Variants in APBA2 observed in about 807,000 individuals in gnomAD.
The protein encoded by APBA2 is amyloid-beta A4 precursor protein-binding family A member 2.
APBA2 carries 30 observed loss-of-function variants against 75.0 expected under a neutral mutation model. The ratio of observed to expected loss-of-function variants is 0.40; its 90% CI spans 0.30 to 0.54. The LOEUF (loss-of-function observed/expected upper bound fraction) is 0.54, where lower values mean the gene tolerates loss of function less well. APBA2 is among the 20% of genes least tolerant of loss of function. The pLI, the probability that APBA2 is intolerant of heterozygous loss-of-function variation, is 0.49. For missense variants in APBA2, 801 were observed against 1,016.1 expected, an observed-to-expected ratio of 0.79 and a Z score of 2.88; for synonymous variants, 444 against 409.6, an observed-to-expected ratio of 1.08 and a Z score of -1.01.
chr15:29,083,415 C>G (rs1310063305), intron 6 of APBA2, among the ~76,000 whole-genome samples: 2 of 152,158 alleles, frequency 1.3e-5, no homozygotes, highest in Non-Finnish European at 2.9e-5. Context: ...GGGCTACTTT[C>G]AGACCTTGCC....
At chr15:28,909,334 T>C (rs1224647005) in intron 1 of APBA2, among the ~76,000 whole-genome samples, 2 of 152,142 alleles carry the variant, frequency 1.3e-5, no homozygotes, top group Non-Finnish European at 2.9e-5. Flanking sequence ...CGATTCCAGG[T>C]GCCGCATGTG....
Position 29,118,072 on chromosome 15 carries a change from T to TGTA in APBA2, c.*941_*943dup, listed in dbSNP as rs1412658326. 6.6e-6 allele frequency: 1 copy of TGTA among 152,600 alleles called. No homozygotes were observed. The highest frequency in any genetic ancestry group is 1.5e-5 in the Non-Finnish European group (1 of 68,062). 9.5% of individuals were successfully genotyped at this position (152,600 alleles called of 1,614,324 possible). On this transcript the variant is annotated 3_prime_UTR_variant, in exon 15 of 15. Coordinates refer to ENST00000683413, the MANE Select transcript of APBA2 (RefSeq NM_001353788.2). ...TGGCCCTGAGCAGTAGTGGCATGTG[T>TGTA]GTAGATCAAGTCGGATCTAGTCCAG...
chr15:28,940,552 C>CAA (rs368324458), intron 2 of APBA2, among the ~76,000 whole-genome samples: 11,935 of 114,260 alleles, frequency 0.1, 1,021 homozygotes, highest in East Asian at 0.36. Context: ...GACTCTGTAT[C>CAA]AAAAAAAAAG....
chr15:28,933,764 C>T (rs2034692086), intron 2 of APBA2, among the ~76,000 whole-genome samples: 1 of 152,246 alleles, frequency 6.6e-6, no homozygotes, highest in African/African-American at 2.4e-5. Flanking sequence ...CCTCTATCCC[C>T]TCTGCCTTGT....
chr15:28,971,877 G>A (rs758647716), intron 2 of APBA2, among the ~76,000 whole-genome samples: 6 of 152,052 alleles, frequency 3.9e-5, no homozygotes, highest in South Asian at 2.1e-4. Context: ...CACACCTAGC[G>A]TCCATACAAT....
chr15:29,058,757 T>G (rs976859440), intron 4 of APBA2, among the ~76,000 whole-genome samples: 9 of 152,254 alleles, frequency 5.9e-5, no homozygotes, highest in Non-Finnish European at 1.3e-4. Flanking sequence ...AGATCTACAC[T>G]TGAATTATTT....
At chr15:29,100,968 C>T (rs972178452) in intron 9 of APBA2, among the ~76,000 whole-genome samples, 4 of 152,344 alleles carry the variant, frequency 2.6e-5, no homozygotes, top group East Asian at 1.9e-4. Flanking sequence ...TACCCTAAAA[C>T]GCTCTGTTAA....
intron 9 of APBA2, among the ~76,000 whole-genome samples, chr15:29,100,372 CT>C (rs1392629831): frequency 6.6e-6 from 1 of 152,228 alleles, no homozygotes; most frequent in Non-Finnish European, 1.5e-5. Context: ...GCAGCATGCA[CT>C]GCAAAGTGGA....
At chr15:29,003,744 A>G (rs2038970410) in intron 3 of APBA2, among the ~76,000 whole-genome samples, 1 of 152,266 alleles carries the variant, frequency 6.6e-6, no homozygotes, top group Non-Finnish European at 1.5e-5. Context: ...ACTCCCAGGC[A>G]TGGCTGCAGC....
At chr15:29,100,789 A>ACTGGTGGC (rs1334734686) in intron 9 of APBA2, among the ~76,000 whole-genome samples, 3 of 152,212 alleles carry the variant, frequency 2.0e-5, no homozygotes, top group Non-Finnish European at 1.5e-5. Context: ...CTCCAGAGCC[A>ACTGGTGGC]CTGGTGGCCT....
At chr15:28,891,465 C>A (rs1456919632) in intron 1 of APBA2, among the ~76,000 whole-genome samples, 1 of 152,172 alleles carries the variant, frequency 6.6e-6, no homozygotes, top group Non-Finnish European at 1.5e-5. Flanking sequence ...GGCTAATTTT[C>A]AACACGTGCC....
intron 3 of APBA2, among the ~76,000 whole-genome samples, chr15:29,026,826 C>G (rs1595763308): frequency 6.6e-6 from 1 of 152,084 alleles, no homozygotes; most frequent in South Asian, 2.1e-4. Context: ...GAGGCTGAGG[C>G]AGGAGAATGG....
chr15:29,001,685 G>A (rs540862831), intron 3 of APBA2, among the ~76,000 whole-genome samples: 23 of 152,310 alleles, frequency 1.5e-4, no homozygotes, highest in African/African-American at 5.5e-4. Flanking sequence ...CAAGGAGCTG[G>A]CTGTTACTAT....
chr15:28,937,155 A>G (rs2034923187), intron 2 of APBA2, among the ~76,000 whole-genome samples: 1 of 151,856 alleles, frequency 6.6e-6, no homozygotes, highest in Non-Finnish European at 1.5e-5. Flanking sequence ...GCCATCATCC[A>G]CCCCTCTATA....
intron 6 of APBA2, among the ~76,000 whole-genome samples, chr15:29,081,176 T>C (rs368573552): frequency 9.9e-5 from 15 of 152,174 alleles, no homozygotes; most frequent in African/African-American, 3.4e-4. Flanking sequence ...CTTAGTTTGC[T>C]CTTAAAATAG....
At chr15:29,027,279 G>A (rs2040269551) in intron 3 of APBA2, among the ~76,000 whole-genome samples, 1 of 151,986 alleles carries the variant, frequency 6.6e-6, no homozygotes, top group Non-Finnish European at 1.5e-5. Flanking sequence ...TCTCGGTCTG[G>A]CCTTTATTAG....
rs371434692 is a variant in APBA2, at chr15:29,101,594, G to T, written c.1339-5G>T. 3 of 1,612,512 alleles carry T rather than the reference G, an allele frequency of 1.9e-6. No homozygotes were observed. Among genetic ancestry groups the T allele is most frequent in the Non-Finnish European group, 2.5e-6 (3 of 1,179,508 alleles). On this transcript the variant is annotated splice_polypyrimidine_tract_variant and splice_region_variant and intron_variant, in intron 9 of 14. Transcript: ENST00000683413. Reference sequence around the variant, plus strand: ...CCTGACGTGGCACTGTCTCCCTCCCGACAGGAAACCATGATGGACCACGCC... The same window carrying T: ...CCTGACGTGGCACTGTCTCCCTCCCTACAGGAAACCATGATGGACCACGCC...
chr15:28,908,522 G>T (rs1316957627), intron 1 of APBA2, among the ~76,000 whole-genome samples: 1 of 151,490 alleles, frequency 6.6e-6, no homozygotes, highest in Non-Finnish European at 1.5e-5. Context: ...ATGTTAGCCA[G>T]ATGGTCTCGA....
chr15:28,942,874 C>T (rs1465129256), intron 2 of APBA2, among the ~76,000 whole-genome samples: 1 of 152,202 alleles, frequency 6.6e-6, no homozygotes, highest in Non-Finnish European at 1.5e-5. Context: ...TGCGTTGTCC[C>T]CGAGGCCCGT....
Sources: allele counts gnomAD v4.1 joint callset (sites outside exome capture counted in the v4.1 genomes callset), GRCh38; gene constraint gnomAD v4.1.1; transcripts MANE v1.5; gene names NCBI Gene and HGNC (gene_info 2026-07-23, HGNC 2026-07-21).